The following LARP1B variants were observed in gnomAD, a reference collection of about 807,000 sequenced individuals.
LARP1B encodes the protein La ribonucleoprotein 1B, also known as la-related protein 1B.
LARP1B carries 76 observed loss-of-function variants against 114.2 expected under a neutral mutation model. That is an observed-to-expected ratio of 0.67 (90% CI 0.55 to 0.81). The LOEUF (loss-of-function observed/expected upper bound fraction) is 0.81. Ranked by LOEUF, LARP1B falls within the 30% of genes least tolerant of loss-of-function variation. LARP1B has a pLI of 0.00. For synonymous variants in LARP1B, 345 were observed against 348.0 expected (o/e 0.99, Z 0.10); for missense variants, 1,014 against 1,075.8 (o/e 0.94, Z 0.80).
chr4:128,065,267 T>C (rs1193554936), intron 1 of LARP1B, among the ~76,000 whole-genome samples: 3 of 109,674 alleles, frequency 2.7e-5, no homozygotes, highest in Non-Finnish European at 5.9e-5. Flanking sequence ...CTTTCTTTCT[T>C]TCTTTCTTTC....
intron 8 of LARP1B, among the ~76,000 whole-genome samples, chr4:128,104,262 AAG>A (rs1171142237): frequency 6.6e-6 from 1 of 152,006 alleles, no homozygotes; most frequent in East Asian, 1.9e-4. Flanking sequence ...TTTCCCTTTT[AAG>A]AGGCCTCTCT....
intron 4 of LARP1B, among the ~76,000 whole-genome samples, chr4:128,079,287 G>A (rs1449259226): frequency 2.6e-5 from 4 of 151,862 alleles, no homozygotes; most frequent in African/African-American, 4.8e-5. Context: ...TAGAGACGGG[G>A]TTTCACTGTG....
At chr4:128,179,626 G>A in intron 15 of LARP1B, 114 bp downstream of exon 15, 1 of 600,140 alleles carries the variant, frequency 1.7e-6, no homozygotes, top group Non-Finnish European at 2.8e-6. Context: ...AAATTATAGA[G>A]CAATGAAAAT....
At chr4:128,150,701 C>T (rs1732398074) in intron 11 of LARP1B, among the ~76,000 whole-genome samples, 1 of 151,690 alleles carries the variant, frequency 6.6e-6, no homozygotes, top group Non-Finnish European at 1.5e-5. Context: ...TGCACTCCAG[C>T]CTGGGCAAGA....
chr4:128,075,248 C>G (rs758278726), intron 3 of LARP1B, among the ~76,000 whole-genome samples: 1 of 151,704 alleles, frequency 6.6e-6, no homozygotes, highest in South Asian at 2.1e-4. Context: ...ACTACAGGCA[C>G]GCACCACTGT....
intron 12 of LARP1B, among the ~76,000 whole-genome samples, chr4:128,173,250 A>G (rs1744593263): frequency 6.6e-6 from 1 of 152,138 alleles, no homozygotes; most frequent in Non-Finnish European, 1.5e-5. Flanking sequence ...AACGCTGGTC[A>G]TTTACATATG....
downstream of LARP1B, among the ~76,000 whole-genome samples, chr4:128,213,956 C>T (rs906409902): frequency 6.6e-5 from 10 of 151,718 alleles, no homozygotes; most frequent in South Asian, 2.1e-4. Context: ...GCACCGTGCG[C>T]GAGCCGAAGC....
At position 128,153,958 on chromosome 4, in the gene LARP1B, G is replaced by A. The variant is rs146733283; in HGVS notation, c.1525-8236G>A. Among the ~76,000 whole-genome samples, 379 of 152,202 alleles carry A rather than the reference G, an allele frequency of 2.5e-3. 3 individuals are homozygous for A. Among genetic ancestry groups the A allele is most frequent in the African/African-American group, 8.9e-3 (369 of 41,528 alleles). The stretch of plus-strand genomic sequence containing the variant: ...CTTCTAACATGCAGTTTGTCACTAG[G>A]TCCTATCAGTCCTTTCATATTCATT... On this transcript the variant is annotated intron_variant, in intron 11 of 19. Transcript: ENST00000326639.
intron 11 of LARP1B, among the ~76,000 whole-genome samples, chr4:128,124,649 A>C (rs1352219383): frequency 2.0e-5 from 3 of 152,242 alleles, no homozygotes; most frequent in East Asian, 1.9e-4. Flanking sequence ...GTTTTGGCAC[A>C]GAATGGATTG....
At chr4:128,206,604 G>A in intron 18 of LARP1B, 67 bp downstream of exon 18, 7 of 1,524,122 alleles carry the variant, frequency 4.6e-6, no homozygotes, top group South Asian at 1.3e-5. Flanking sequence ...TCAGTAAATA[G>A]GGAAGGAGTT....
At chr4:128,126,330 C>T (rs1245668893) in intron 11 of LARP1B, among the ~76,000 whole-genome samples, 1 of 151,898 alleles carries the variant, frequency 6.6e-6, no homozygotes, top group Non-Finnish European at 1.5e-5. Context: ...ACCACGTTGG[C>T]CAGGCTGGTC....
chr4:128,152,976 T>C (rs973407420), intron 11 of LARP1B, among the ~76,000 whole-genome samples: 2 of 132,964 alleles, frequency 1.5e-5, no homozygotes, highest in African/African-American at 5.9e-5. Context: ...GGTTTGCCTT[T>C]TTTTTTTTTT....
chr4:128,167,069 C>A (rs1741426684), intron 12 of LARP1B, among the ~76,000 whole-genome samples: 1 of 151,000 alleles, frequency 6.6e-6, no homozygotes, highest in Admixed American at 6.6e-5. Context: ...CATATACACA[C>A]ACACACACAT....
exon 8 of LARP1B, chr4:128,222,467 C>A: frequency 2.4e-6 from 1 of 424,826 alleles, no homozygotes; most frequent in South Asian, 1.7e-5. Flanking sequence ...CCGCCCCACC[C>A]CACATCAATG....
At chr4:128,155,247 A>C in intron 11 of LARP1B, 1 of 372,506 alleles carries the variant, frequency 2.7e-6, no homozygotes, top group Non-Finnish European at 4.9e-6. Flanking sequence ...CCTATTGCTG[A>C]GAACAGCTGA....
chr4:128,162,041 T>C (rs1738756006), intron 11 of LARP1B, among the ~76,000 whole-genome samples, 153 bp from the exon 12 acceptor site: 1 of 152,152 alleles, frequency 6.6e-6, no homozygotes, highest in African/African-American at 2.4e-5. Flanking sequence ...TGTTATTAAG[T>C]ATAATGCTAG....
In LARP1B at chr4:128,179,433, A is replaced by T; in HGVS notation, c.1924A>T (p.Ser642Cys). 6.2e-7 allele frequency: 1 copy of T among 1,610,184 alleles called. No individual in the cohort carries two copies. The highest frequency in any genetic ancestry group is 1.1e-5 in the South Asian group (1 of 90,020). The change falls in exon 15 of 20, where the codon AGC (serine) becomes TGC (cysteine). Residue 642 changes from serine to cysteine, a missense_variant. Ser to Cys is a moderately radical substitution (Grantham distance 112). Coordinates refer to ENST00000326639, the MANE Select transcript of LARP1B (RefSeq NM_018078.4). The stretch of plus-strand genomic sequence containing the variant: ...TCCAAGAAAGAGAAAAACAAGGCAT[A>T]GCACAAATCCCCCTCTAGAGTGTCA... ...KSPRKRKTRH[S>C]TNPPLECHVG...
chr4:128,067,553 T>G (rs1763476747), intron 1 of LARP1B, among the ~76,000 whole-genome samples: 1 of 152,100 alleles, frequency 6.6e-6, no homozygotes, highest in Non-Finnish European at 1.5e-5. Flanking sequence ...ATGATTTTGA[T>G]CATGTGTTGC....
intron 12 of LARP1B, among the ~76,000 whole-genome samples, chr4:128,168,075 A>G (rs2150515883): frequency 1.3e-5 from 2 of 152,206 alleles, no homozygotes; most frequent in Admixed American, 1.3e-4. Context: ...TAAAGCTGCT[A>G]TGAGTATCAA....
Sources: gnomAD v4.1 joint callset for allele counts (sites outside exome capture counted in the v4.1 genomes callset) on GRCh38, gnomAD v4.1.1 for gene constraint, MANE v1.5 for transcripts, NCBI Gene and HGNC (gene_info 2026-07-23, HGNC 2026-07-21) for gene names.